Variants in EPHX1 observed in about 807,000 individuals in gnomAD.
EPHX1 encodes epoxide hydrolase 1.
In EPHX1, 40 loss-of-function variants were observed where a neutral mutation model predicts 43.2. The observed-to-expected ratio is 0.93, with a 90% CI of 0.72 to 1.21. EPHX1 has a LOEUF of 1.21. Ranked by LOEUF, EPHX1 falls within the 50% of genes most tolerant of loss-of-function variation. EPHX1 has a pLI of 0.00. For missense variants in EPHX1, 550 were observed against 570.4 expected (o/e 0.96, Z 0.36); for synonymous variants, 221 against 226.7 (o/e 0.98, Z 0.22).
At chr1:225,810,372 T>TGGGGGAAGGA (rs1482354949) in intron 1 of EPHX1, 1 of 151,672 alleles carries the variant, frequency 6.6e-6, no homozygotes, top group East Asian at 2.0e-4. Flanking sequence ...TGCCGCCTAC[T>TGGGGGAAGGA]GGGGGAAGGA....
rs756256763 is a variant in EPHX1, at chr1:225,840,040, G to A, written c.931+3G>A. ...GTGCACCAAGCCTGACACCGTAGGT[G>A]AGTGTGCTCAGGGGTCCTCGCCCAC... On this transcript the variant is annotated splice_donor_region_variant and intron_variant, in intron 6 of 8. Coordinates refer to ENST00000272167, the MANE Select transcript of EPHX1 (RefSeq NM_001136018.4). 1 of 1,613,888 alleles carries A rather than the reference G, an allele frequency of 6.2e-7. No individual in the cohort carries two copies. The highest frequency in any genetic ancestry group is 1.1e-5 in the South Asian group (1 of 91,052).
At chr1:225,814,002 A>T (rs540539909) in intron 1 of EPHX1, among the ~76,000 whole-genome samples, 2 of 152,346 alleles carry the variant, frequency 1.3e-5, no homozygotes, top group Non-Finnish European at 2.9e-5. Flanking sequence ...TGCCTTTAGC[A>T]TTTGGGAAGT....
chr1:225,826,720 T>C (rs954575841), intron 1 of EPHX1, among the ~76,000 whole-genome samples: 3 of 152,158 alleles, frequency 2.0e-5, no homozygotes, highest in African/African-American at 7.2e-5. Context: ...TGCTGGTGAC[T>C]ATGAGAGAAG....
Position 225,815,411 on chromosome 1 carries a change from CTTTTT to C in EPHX1, c.-6+5260_-6+5264del, listed in dbSNP as rs5781415. Among the ~76,000 whole-genome samples the C allele has an allele frequency of 4.6e-4, 36 of 78,194 alleles. 1 individual carries two copies. The highest frequency in any genetic ancestry group is 1.8e-3 in the African/African-American group (34 of 18,502). 51.3% of individuals were successfully genotyped at this position (78,194 alleles called of 152,430 possible). ...TGCACCACCATGCCCAGCTAATTTT[CTTTTT>C]TTTTTTTTTTTTTTTTTGTAGAGAC... On this transcript the variant is annotated intron_variant, in intron 1 of 8. Transcript: ENST00000272167.
chr1:225,813,049 G>A (rs990923436), intron 1 of EPHX1, among the ~76,000 whole-genome samples: 2 of 152,218 alleles, frequency 1.3e-5, no homozygotes, highest in African/African-American at 4.8e-5. Flanking sequence ...ATGAGGTTAG[G>A]CTCAGCGATC....
intron 1 of EPHX1, among the ~76,000 whole-genome samples, chr1:225,827,117 C>G (rs564380618): frequency 2.6e-5 from 4 of 152,296 alleles, no homozygotes; most frequent in Non-Finnish European, 4.4e-5. Context: ...AGGGGCAGCT[C>G]TTGACAGGAG....
chr1:225,831,854 T>TC lies in EPHX1; in HGVS notation c.261dup (p.Asn88GlnfsTer13). On this transcript the variant is annotated frameshift_variant, in exon 3 of 9. Transcript: ENST00000272167. LOFTEE classifies it high-confidence loss of function. The stretch of plus-strand genomic sequence containing the variant: ...CAGCTGCTTCCACTATGGCTTCAAC[T>TC]CCAACTACCTGAAGAAAGTCATCTC... The TC allele has an allele frequency of 6.2e-7, 1 of 1,614,168 alleles. No individual in the cohort carries two copies. Among genetic ancestry groups the TC allele is most frequent in the Non-Finnish European group, 8.5e-7 (1 of 1,180,026 alleles).
chr1:225,821,877 C>A (rs1666999046), intron 1 of EPHX1, among the ~76,000 whole-genome samples: 1 of 152,098 alleles, frequency 6.6e-6, no homozygotes, highest in South Asian at 2.1e-4. Flanking sequence ...GAACAAAGCA[C>A]CTACTTTATT....
chr1:225,828,726 A>C lies in EPHX1; in HGVS notation c.-4A>C. On this transcript the variant is annotated splice_region_variant and 5_prime_UTR_variant, in exon 2 of 9. Coordinates refer to ENST00000272167, the MANE Select transcript of EPHX1 (RefSeq NM_001136018.4). ...TAATGGCTTCCCCTCATCTTGCAGG[A>C]GCCATGTGGCTAGAAATCCTCCTCA... 6.2e-7 allele frequency: 1 copy of C among 1,611,406 alleles called. No homozygotes were observed.
chr1:225,811,056 C>G (rs1244956350), intron 1 of EPHX1, among the ~76,000 whole-genome samples: 1 of 152,168 alleles, frequency 6.6e-6, no homozygotes, highest in African/African-American at 2.4e-5. Flanking sequence ...CCCCCTCGCT[C>G]TGGTCTCGGG....
In EPHX1 at chr1:225,819,226, C is replaced by CAAAAAAAAAAAAA. The variant is rs1302566204; in HGVS notation, c.-6+9066_-6+9078dup. On this transcript the variant is annotated intron_variant, in intron 1 of 8. Coordinates refer to ENST00000272167, the MANE Select transcript of EPHX1 (RefSeq NM_001136018.4). ...TGGGCGACAGAGCGAGACTCCGTCT[C>CAAAAAAAAAAAAA]AAAAAAAAAAAAAAAAAAAAATACA... Among the ~76,000 whole-genome samples, 26 of 4,498 alleles carry CAAAAAAAAAAAAA rather than the reference C, an allele frequency of 5.8e-3. 1 individual carries two copies. The highest frequency in any genetic ancestry group is 0.019 in the African/African-American group (24 of 1,276). 3.0% of individuals were successfully genotyped at this position (4,498 alleles called of 152,430 possible).
chr1:225,829,650 C>T (rs952462796), intron 2 of EPHX1, among the ~76,000 whole-genome samples: 5 of 152,076 alleles, frequency 3.3e-5, no homozygotes, highest in Admixed American at 6.5e-5. Flanking sequence ...TCTTTCATTC[C>T]GTGGGTTTTG....
intron 2 of EPHX1, 27 bp downstream of exon 2, chr1:225,828,939 T>C (rs1043353081): frequency 2.6e-5 from 40 of 1,553,974 alleles, no homozygotes; most frequent in Non-Finnish European, 3.4e-5. Flanking sequence ...CGGGCCGGGC[T>C]GGGCAGTGGA....
Position 225,838,801 on chromosome 1 carries a change from G to A in EPHX1, c.512G>A (p.Gly171Asp). 6.2e-7 allele frequency: 1 copy of A among 1,614,188 alleles called. No homozygotes were observed. The highest frequency in any genetic ancestry group is 8.5e-7 in the Non-Finnish European group (1 of 1,180,028). Reference sequence around the variant, plus strand: ...CTCCTGACTGACCCCAAGAACCATGGCCTGAGCGATGAGCACGTTTTTGAA... The same window carrying A: ...CTCCTGACTGACCCCAAGAACCATGACCTGAGCGATGAGCACGTTTTTGAA... Reference protein sequence around the residue: ...IPLLTDPKNHGLSDEHVFEVI... With the variant: ...IPLLTDPKNHDLSDEHVFEVI... The change falls in exon 4 of 9, where the codon GGC (glycine) becomes GAC (aspartate). Residue 171 changes from glycine (G) to aspartate (D), a missense_variant. Gly to Asp is a moderately conservative substitution (Grantham distance 94). Coordinates refer to ENST00000272167, the MANE Select transcript of EPHX1 (RefSeq NM_001136018.4).
At chr1:225,836,681 G>C (rs1006573977) in intron 3 of EPHX1, among the ~76,000 whole-genome samples, 2 of 152,196 alleles carry the variant, frequency 1.3e-5, no homozygotes, top group Non-Finnish European at 2.9e-5. Flanking sequence ...AGTGAAGTAA[G>C]CCAGGGACAG....
rs1330889670 is a variant in EPHX1, at chr1:225,842,362, C to T, written c.932-4C>T. 6.2e-7 allele frequency: 1 copy of T among 1,606,900 alleles called. No homozygotes were observed. Among genetic ancestry groups the T allele is most frequent in the Non-Finnish European group, 8.5e-7 (1 of 1,173,426 alleles). On this transcript the variant is annotated splice_polypyrimidine_tract_variant and splice_region_variant and intron_variant, in intron 6 of 8. Coordinates refer to ENST00000272167, the MANE Select transcript of EPHX1 (RefSeq NM_001136018.4). The stretch of plus-strand genomic sequence containing the variant: ...TCTCTCCCTTGCTCCCCGCTCCCCG[C>T]CAGGCTCTGCTCTGAATGACTCTCC...
At chr1:225,823,474 AT>A (rs1325073543) in intron 1 of EPHX1, among the ~76,000 whole-genome samples, 1 of 152,228 alleles carries the variant, frequency 6.6e-6, no homozygotes, top group African/African-American at 2.4e-5. Context: ...CAAGTTGGCC[AT>A]CAAGCTTCCC....
intron 6 of EPHX1, chr1:225,840,868 A>C (rs1159967076): frequency 2.0e-5 from 3 of 152,266 alleles, no homozygotes; most frequent in Non-Finnish European, 4.4e-5. Flanking sequence ...ATGCCCACAC[A>C]CACGAGGCAG....
chr1:225,818,154 T>C (rs980459261), intron 1 of EPHX1, among the ~76,000 whole-genome samples: 1 of 152,148 alleles, frequency 6.6e-6, no homozygotes, highest in Non-Finnish European at 1.5e-5. Context: ...GCTAAGTAGG[T>C]TATATTTATT....
Sources: gnomAD v4.1 joint callset for allele counts (sites outside exome capture counted in the v4.1 genomes callset) on GRCh38, gnomAD v4.1.1 for gene constraint, MANE v1.5 for transcripts, NCBI Gene and HGNC (gene_info 2026-07-23, HGNC 2026-07-21) for gene names.